Variants in ARHGAP10 observed in about 807,000 individuals in gnomAD.
The protein encoded by ARHGAP10 is Rho GTPase activating protein 10.
A neutral mutation model predicts 108.6 loss-of-function variants in ARHGAP10; 87 were observed. That is an observed-to-expected ratio of 0.80 (90% CI 0.67 to 0.96). The LOEUF is 0.96. Ranked by LOEUF, ARHGAP10 falls within the 40% of genes least tolerant of loss-of-function variation. The pLI is 0.00. For missense variants in ARHGAP10, 939 were observed against 954.5 expected, an observed-to-expected ratio of 0.98 and a Z score of 0.21; for synonymous variants, 347 against 341.1, an observed-to-expected ratio of 1.02 and a Z score of -0.19.
chr4:147,823,819 T>C (rs1732599189), intron 3 of ARHGAP10, among the ~76,000 whole-genome samples: 1 of 152,182 alleles, frequency 6.6e-6, no homozygotes, highest in South Asian at 2.1e-4. Context: ...GTGCTCTTCA[T>C]ATGCAGTGCT....
intron 18 of ARHGAP10, among the ~76,000 whole-genome samples, chr4:148,019,371 A>T (rs1578796479): frequency 6.6e-6 from 1 of 152,172 alleles, no homozygotes; most frequent in South Asian, 2.1e-4. Context: ...AACACTTTAT[A>T]AACATTATGT....
At chr4:148,023,192 T>C in intron 18 of ARHGAP10, 71 bp from the exon 19 acceptor site, 9 of 1,544,760 alleles carry the variant, frequency 5.8e-6, no homozygotes, top group Non-Finnish European at 8.0e-6. Flanking sequence ...GTTGTGGTGC[T>C]GGTTTACTGG....
intron 4 of ARHGAP10, 131 bp from the exon 5 acceptor site, chr4:147,857,422 G>A: frequency 9.0e-6 from 8 of 891,696 alleles, no homozygotes; most frequent in Non-Finnish European, 1.2e-5. Context: ...TGTTTTTTTA[G>A]ATAGCTTTAT....
intron 18 of ARHGAP10, among the ~76,000 whole-genome samples, chr4:148,017,652 C>CTATATATATATATATATATATATATA (rs35472561): frequency 4.7e-5 from 5 of 105,310 alleles, no homozygotes; most frequent in African/African-American, 2.1e-4. Flanking sequence ...GAGCCAGTAA[C>CTATATATATATATATATATATATATA]TATATATATA....
chr4:147,775,986 C>T (rs1453862645), intron 1 of ARHGAP10, among the ~76,000 whole-genome samples: 3 of 152,166 alleles, frequency 2.0e-5, no homozygotes, highest in Non-Finnish European at 4.4e-5. Flanking sequence ...TGGCACCGAG[C>T]ACAAAGCCCA....
rs756854565 is a variant in ARHGAP10 at position 147,822,771 on chromosome 4, T to A, written c.199T>A (p.Phe67Ile). Residue 67 changes from phenylalanine (F) to isoleucine (I), a missense_variant, in exon 2 of 23, where the codon TTT becomes ATT. Coordinates refer to ENST00000336498, the MANE Select transcript of ARHGAP10 (RefSeq NM_024605.4). The part of the protein sequence containing the change: ...QRKFAHSLRD[F>I]KFEFIGDAVT... ...GAAGTTTGCTCATTCACTCAGAGAC[T>A]TTAAGTTTGAGTTTATCGGTGATGC... The A allele has an allele frequency of 6.8e-6, 11 of 1,614,088 alleles. No homozygotes were observed. The South Asian group carries it at 1.2e-4, about 18-fold the overall frequency.
At chr4:147,914,986 G>T (rs1165636240) in intron 13 of ARHGAP10, among the ~76,000 whole-genome samples, 1 of 152,112 alleles carries the variant, frequency 6.6e-6, no homozygotes, top group East Asian at 1.9e-4. Flanking sequence ...GCGATCTAGT[G>T]AAGTATGTAT....
rs766021970 is a variant in ARHGAP10, at chr4:148,063,229, A to G, written c.2109A>G (p.Thr703=). Residue 703 remains threonine (T), a synonymous_variant, in exon 21 of 23, where the codon ACA becomes ACG. Transcript: ENST00000336498. ...CAACAAGCTCCAACTCAGCTGTGAC[A>G]CCTCTTTCACCCGGGTCGTCCCCTT... The part of the protein sequence containing the change: ...PTTTSSNSAV[T]PLSPGSSPFP... 2.0e-5 allele frequency: 32 copies of G among 1,614,004 alleles called. No individual in the cohort carries two copies. The highest frequency in any genetic ancestry group is 2.5e-5 in the Non-Finnish European group (29 of 1,179,982).
chr4:147,793,000 T>C (rs1731175998), intron 1 of ARHGAP10, among the ~76,000 whole-genome samples: 1 of 152,068 alleles, frequency 6.6e-6, no homozygotes, highest in Non-Finnish European at 1.5e-5. Flanking sequence ...TAGCTGGGTG[T>C]GGTGATGCAT....
intron 1 of ARHGAP10, among the ~76,000 whole-genome samples, chr4:147,809,556 C>A (rs1579070855): frequency 1.3e-5 from 2 of 152,306 alleles, no homozygotes; most frequent in African/African-American, 2.4e-5. Flanking sequence ...AGCATTGTCA[C>A]CTGCCCAGAG....
At position 147,778,126 on chromosome 4, in the gene ARHGAP10, G is replaced by A. The variant is rs17023827; in HGVS notation, c.155-44601G>A. Among the ~76,000 whole-genome samples, 1,297 of 152,260 alleles carry A rather than the reference G, an allele frequency of 8.5e-3. 20 individuals carry two copies. The highest frequency in any genetic ancestry group is 0.03 in the African/African-American group (1,228 of 41,538). ...AGGGGAGATCCTGCTAGAAGTGTCG[G>A]TTTAGCGCTGAGAGGAGCAAAATGA... On this transcript the variant is annotated intron_variant, in intron 1 of 22. Coordinates refer to ENST00000336498, the MANE Select transcript of ARHGAP10 (RefSeq NM_024605.4).
At chr4:148,042,798 T>C (rs142448405) in intron 19 of ARHGAP10, among the ~76,000 whole-genome samples, 8 of 152,294 alleles carry the variant, frequency 5.3e-5, no homozygotes, top group Admixed American at 3.3e-4. Context: ...CAGTAAATGC[T>C]AGTTGGGTGA....
At chr4:147,889,043 A>G (rs1329325654) in intron 10 of ARHGAP10, among the ~76,000 whole-genome samples, 1 of 152,198 alleles carries the variant, frequency 6.6e-6, no homozygotes, top group Non-Finnish European at 1.5e-5. Flanking sequence ...ACCACATGTA[A>G]TGCTTTATAC....
chr4:147,802,445 TAATGCCAGC>T (rs1402120302), intron 1 of ARHGAP10, among the ~76,000 whole-genome samples: 1 of 152,254 alleles, frequency 6.6e-6, no homozygotes, highest in Non-Finnish European at 1.5e-5. Context: ...TAGGTAGTAT[TAATGCCAGC>T]AATGTACTGA....
At chr4:147,852,011 C>G (rs1391115466) in intron 4 of ARHGAP10, among the ~76,000 whole-genome samples, 1 of 152,110 alleles carries the variant, frequency 6.6e-6, no homozygotes, top group South Asian at 2.1e-4. Flanking sequence ...ATGAGACTTA[C>G]GACACTTGTC....
At chr4:148,051,391 T>C (rs1188924475) in intron 20 of ARHGAP10, among the ~76,000 whole-genome samples, 2 of 152,230 alleles carry the variant, frequency 1.3e-5, no homozygotes, top group Non-Finnish European at 2.9e-5. Flanking sequence ...TTTCTTCTAT[T>C]GTAATTGATG....
intron 1 of ARHGAP10, among the ~76,000 whole-genome samples, chr4:147,739,939 T>C (rs10011891): frequency 0.024 from 3,677 of 152,170 alleles, 149 homozygotes; most frequent in African/African-American, 0.084. Context: ...TTTCACCACA[T>C]TGGCCAGGCT....
At chr4:147,957,421 A>G (rs1226647589) in intron 16 of ARHGAP10, among the ~76,000 whole-genome samples, 1 of 152,206 alleles carries the variant, frequency 6.6e-6, no homozygotes, top group Non-Finnish European at 1.5e-5. Context: ...AAATAGTTAC[A>G]GAAATCAGGT....
At chr4:147,820,681 CCTGGG>C (rs1388801296) in intron 1 of ARHGAP10, among the ~76,000 whole-genome samples, 1 of 140,348 alleles carries the variant, frequency 7.1e-6, no homozygotes, top group African/African-American at 2.7e-5. Flanking sequence ...ACTTTCTCCT[CCTGGG>C]TTCAAGTGAT....
Sources: gnomAD v4.1 joint callset for allele counts (sites outside exome capture counted in the v4.1 genomes callset) on GRCh38, gnomAD v4.1.1 for gene constraint, MANE v1.5 for transcripts, NCBI Gene and HGNC (gene_info 2026-07-23, HGNC 2026-07-21) for gene names.